The following TPTE variants were observed in gnomAD, a reference collection of about 807,000 sequenced individuals.
TPTE encodes putative tyrosine-protein phosphatase TPTE.
Under a neutral mutation model 84.1 loss-of-function variants are expected in TPTE, and 59 were observed. The observed-to-expected ratio is 0.70, with a 90% CI of 0.57 to 0.87. The LOEUF is 0.87. TPTE is among the 40% of genes least tolerant of loss of function. TPTE has a pLI of 0.00. For missense variants in TPTE, 382 were observed against 659.6 expected (o/e 0.58, Z 4.61); for synonymous variants, 130 against 223.5 (o/e 0.58, Z 3.73).
intron 22 of TPTE, 111 bp from the exon 23 acceptor site, chr21:10,603,451 G>C: frequency 1.8e-6 from 2 of 1,130,026 alleles, no homozygotes; most frequent in Non-Finnish European, 2.5e-6. Context: ...CATATTTAAT[G>C]GTTATAATTG....
chr21:10,562,225 C>T (rs1244358865), intron 10 of TPTE, among the ~76,000 whole-genome samples: 1 of 152,312 alleles, frequency 6.6e-6, no homozygotes, highest in East Asian at 1.9e-4. Context: ...TCACAGTATC[C>T]AAGTTCTTTC....
chr21:10,602,194 C>T, intron 22 of TPTE, 44 bp downstream of exon 22: 1 of 1,585,270 alleles, frequency 6.3e-7, no homozygotes. Context: ...CTTGTCTGGT[C>T]TAATGATTTC....
intron 10 of TPTE, among the ~76,000 whole-genome samples, chr21:10,564,360 A>C (rs1337880152): frequency 3.3e-5 from 5 of 152,294 alleles, no homozygotes; most frequent in Admixed American, 3.3e-4. Context: ...AAATACAAAA[A>C]TTAGCTGGGT....
At chr21:10,566,982 A>G (rs1282910810) in intron 10 of TPTE, among the ~76,000 whole-genome samples, 1 of 151,922 alleles carries the variant, frequency 6.6e-6, no homozygotes, top group Non-Finnish European at 1.5e-5. Flanking sequence ...CATCTCAAAA[A>G]AAAAAAAAAA....
At chr21:10,597,801 T>C (rs1462083320) in intron 20 of TPTE, among the ~76,000 whole-genome samples, 2 of 152,306 alleles carry the variant, frequency 1.3e-5, no homozygotes, top group Admixed American at 6.5e-5. Context: ...TTTTTTCCTC[T>C]TCTCTCATCT....
At chr21:10,526,286 C>T (rs1459956013) in intron 2 of TPTE, among the ~76,000 whole-genome samples, 1 of 152,308 alleles carries the variant, frequency 6.6e-6, no homozygotes, top group Admixed American at 6.5e-5. Flanking sequence ...AATTTGAACT[C>T]TGGCACTCCT....
chr21:10,558,013 T>G (rs1314469196), intron 8 of TPTE, among the ~76,000 whole-genome samples: 2 of 152,312 alleles, frequency 1.3e-5, no homozygotes, highest in African/African-American at 4.8e-5. Context: ...TATTTGGTTT[T>G]CTGTTTCTGC....
At chr21:10,580,767 G>A (rs2075257590) in intron 17 of TPTE, among the ~76,000 whole-genome samples, 1 of 152,312 alleles carries the variant, frequency 6.6e-6, no homozygotes, top group African/African-American at 2.4e-5. Flanking sequence ...GAACCTTTTA[G>A]ATTAAGGGAG....
Position 10,575,391 on chromosome 21 carries a change from G to A in TPTE, c.796-2069G>A, listed in dbSNP as rs1310703673. ...TGAAATGGAGCTCCTGGTGGGAGGG[G>A]CAGCTGCCACCTCTGCAGTTTGGTC... On this transcript the variant is annotated intron_variant, in intron 14 of 23. Transcript: ENST00000618007. 1.2e-4 allele frequency among the ~76,000 whole-genome samples: 19 copies of A among 152,364 alleles called. No homozygotes were observed. In the East Asian group the frequency reaches 3.5e-3, roughly 28 times the overall value.
intron 20 of TPTE, among the ~76,000 whole-genome samples, chr21:10,597,685 G>A (rs1346237666): frequency 6.6e-6 from 1 of 152,310 alleles, no homozygotes. Context: ...AAAGTGCTAG[G>A]ATTACAGGTA....
At chr21:10,532,419 C>G (rs866946873) in intron 3 of TPTE, among the ~76,000 whole-genome samples, 3 of 152,416 alleles carry the variant, frequency 2.0e-5, no homozygotes, top group South Asian at 2.1e-4. Flanking sequence ...TGCCACAGGT[C>G]TATTGTAGTA....
At chr21:10,563,233 C>G (rs1390111756) in intron 10 of TPTE, among the ~76,000 whole-genome samples, 3 of 152,300 alleles carry the variant, frequency 2.0e-5, no homozygotes, top group African/African-American at 2.4e-5. Flanking sequence ...AACACCAGAC[C>G]TGTCCTAGAA....
At position 10,558,786 on chromosome 21, in the gene TPTE, A is replaced by G. The variant is rs531876304; in HGVS notation, c.234-708A>G. 2.5e-4 allele frequency among the ~76,000 whole-genome samples: 35 copies of G among 139,440 alleles called. No homozygotes were observed. In the East Asian group the frequency reaches 8.9e-3, roughly 35 times the overall value. 91.5% of individuals were successfully genotyped at this position (139,440 alleles called of 152,430 possible). A position where few individuals can be genotyped will look rare whatever the true frequency, so the allele number is the denominator to read the frequency against. ...GGCTTCTCCTCCTGAAGAGCCTCCAACACAGGAGGCTTCAGTAGGACAAAA... is the reference window on the plus strand; with the variant it reads ...GGCTTCTCCTCCTGAAGAGCCTCCAGCACAGGAGGCTTCAGTAGGACAAAA... On this transcript the variant is annotated intron_variant, in intron 8 of 23. Transcript: ENST00000618007.
intron 7 of TPTE, among the ~76,000 whole-genome samples, chr21:10,549,708 C>T (rs1247641503): frequency 4.6e-5 from 7 of 152,300 alleles, no homozygotes; most frequent in African/African-American, 7.2e-5. Flanking sequence ...TTAATTTGGT[C>T]AAATATTCAT....
At chr21:10,526,760 A>G (rs1167458985) in intron 2 of TPTE, among the ~76,000 whole-genome samples, 1 of 152,272 alleles carries the variant, frequency 6.6e-6, no homozygotes, top group Non-Finnish European at 1.5e-5. Context: ...CTAAAAACCA[A>G]TATTGGCAAA....
At chr21:10,550,796 TAC>T (rs1197356653) in intron 7 of TPTE, among the ~76,000 whole-genome samples, 1 of 152,308 alleles carries the variant, frequency 6.6e-6, no homozygotes, top group East Asian at 1.9e-4. Context: ...AGCTGCAGAA[TAC>T]ACATTCTTTT....
intron 9 of TPTE, among the ~76,000 whole-genome samples, chr21:10,560,762 C>T (rs1224489660): frequency 5.3e-5 from 8 of 152,296 alleles, no homozygotes; most frequent in Admixed American, 5.2e-4. Context: ...ACTTTTCTCT[C>T]TTGAGGTGTT....
At chr21:10,584,241 T>A (rs1297275032) in intron 17 of TPTE, among the ~76,000 whole-genome samples, 1 of 152,422 alleles carries the variant, frequency 6.6e-6, no homozygotes, top group African/African-American at 2.4e-5. Flanking sequence ...TTAAATGATA[T>A]CCCTTTAAAA....
intron 17 of TPTE, among the ~76,000 whole-genome samples, chr21:10,588,135 C>G (rs2075400061): frequency 6.6e-6 from 1 of 152,312 alleles, no homozygotes; most frequent in Admixed American, 6.5e-5. Flanking sequence ...AGATGTGAGC[C>G]ACTGCACCTG....
Sources: gnomAD v4.1 joint callset for allele counts (sites outside exome capture counted in the v4.1 genomes callset) on GRCh38, gnomAD v4.1.1 for gene constraint, MANE v1.5 for transcripts, NCBI Gene and HGNC (gene_info 2026-07-23, HGNC 2026-07-21) for gene names.